PCK2: variants seen among roughly 807,000 people sequenced by gnomAD.
PCK2 encodes phosphoenolpyruvate carboxykinase 2, mitochondrial.
Under a neutral mutation model 65.9 loss-of-function variants are expected in PCK2, and 56 were observed. The observed-to-expected ratio is 0.85, with a 90% CI of 0.69 to 1.06. PCK2 has a LOEUF of 1.06. Among genes scored for constraint, PCK2 ranks in the 50% least tolerant of loss-of-function variants. The probability of loss-of-function intolerance (pLI) is 0.00; values close to 1 mark genes in which losing one functional copy is unlikely to be tolerated. For synonymous variants in PCK2, 305 were observed against 319.6 expected, an observed-to-expected ratio of 0.95 and a Z score of 0.49; for missense variants, 843 against 863.1, an observed-to-expected ratio of 0.98 and a Z score of 0.29.
At chr14:24,101,477 C>A (rs143943855) in intron 7 of PCK2, among the ~76,000 whole-genome samples, 12 of 152,320 alleles carry the variant, frequency 7.9e-5, no homozygotes, top group African/African-American at 2.9e-4. Context: ...TTAGTCCCAA[C>A]CCCCCTCCAG....
intron 1 of PCK2, chr14:24,095,101 C>T: frequency 2.2e-6 from 1 of 456,128 alleles, no homozygotes; most frequent in South Asian, 1.5e-5. Context: ...GTCTGCCTGT[C>T]CTCTTAGTCT....
At chr14:24,103,069 G>A in intron 8 of PCK2, 91 bp from the exon 9 acceptor site, 1 of 1,236,212 alleles carries the variant, frequency 8.1e-7, no homozygotes, top group Non-Finnish European at 1.2e-6. Flanking sequence ...CGAGGTCTTA[G>A]GAGAGAGAGT....
intron 7 of PCK2, among the ~76,000 whole-genome samples, chr14:24,102,150 C>G (rs188427472): frequency 2.0e-5 from 3 of 152,278 alleles, no homozygotes; most frequent in African/African-American, 7.2e-5. Context: ...ATTGTTTGAA[C>G]CTGGGAGGCG....
chr14:24,103,267 C>A lies in PCK2; in HGVS notation c.1468+12C>A. The A allele has an allele frequency of 6.3e-7, 1 of 1,598,802 alleles. No homozygotes were observed. The highest frequency in any genetic ancestry group is 8.6e-7 in the Non-Finnish European group (1 of 1,166,428). ...AGCAGAACACAAAGGTGAGCACCCT[C>A]ACCATTCCTCCCTCTCCTGTGTGTG... On this transcript the variant is annotated intron_variant, in intron 9 of 9. Transcript: ENST00000216780.
chr14:24,096,553 A>G (rs2036894136), intron 1 of PCK2, among the ~76,000 whole-genome samples: 1 of 152,090 alleles, frequency 6.6e-6, no homozygotes, highest in Non-Finnish European at 1.5e-5. Context: ...ACTTATTTCT[A>G]AACGTTGATT....
At chr14:24,103,070 G>A in intron 8 of PCK2, 90 bp from the exon 9 acceptor site, 2 of 1,235,692 alleles carry the variant, frequency 1.6e-6, no homozygotes, top group Non-Finnish European at 2.4e-6. Context: ...GAGGTCTTAG[G>A]AGAGAGAGTA....
In PCK2 at chr14:24,094,617, C is replaced by A. The variant is rs2036773598; in HGVS notation, c.29+183C>A. 6.8e-7 allele frequency: 1 copy of A among 1,465,020 alleles called. No homozygotes were observed. Among genetic ancestry groups the A allele is most frequent in the African/African-American group, 1.4e-5 (1 of 71,082 alleles). 90.8% of individuals were successfully genotyped at this position (1,465,020 alleles called of 1,614,324 possible). Reference sequence around the variant, plus strand: ...CGCGTCTCTTGGGAGGGCAGCCGGCCGGTGCTCCTCGTTTCCGCCTGCACC... The same window carrying A: ...CGCGTCTCTTGGGAGGGCAGCCGGCAGGTGCTCCTCGTTTCCGCCTGCACC... On this transcript the variant is annotated intron_variant, in intron 1 of 9. Transcript: ENST00000216780. The surrounding 1 kb of genome is among the most constrained non-coding windows in gnomAD (Gnocchi z 4.1).
rs2138980353 is a variant in PCK2 at position 24,103,728 on chromosome 14, G to A, written c.1687G>A (p.Glu563Lys). 2 of 1,614,228 alleles carry A rather than the reference G, an allele frequency of 1.2e-6. No individual in the cohort carries two copies. Among genetic ancestry groups the A allele is most frequent in the South Asian group, 2.2e-5 (2 of 91,086 alleles). Residue 563 changes from glutamate (E) to lysine (K), a missense_variant, in exon 10 of 10, where the codon GAG becomes AAG. Physicochemically the swap from Glu to Lys is moderately conservative, Grantham distance 56. Transcript: ENST00000216780. ...RVLDWICRRLEGEDSARETPI... is the reference protein window; with the variant it reads ...RVLDWICRRLKGEDSARETPI... ...GCTAGACTGGATCTGCCGGCGGTTAGAGGGGGAGGACAGTGCCCGAGAGAC... is the reference window on the plus strand; with the variant it reads ...GCTAGACTGGATCTGCCGGCGGTTAAAGGGGGAGGACAGTGCCCGAGAGAC...
intron 7 of PCK2, chr14:24,100,498 G>A: frequency 1.2e-6 from 1 of 801,260 alleles, no homozygotes; most frequent in Non-Finnish European, 1.8e-6. Flanking sequence ...ATTGTTGGAG[G>A]ATTAAATAGT....
At position 24,099,593 on chromosome 14, in the gene PCK2, CTA is replaced by C; in HGVS notation, c.890_891del (p.Tyr297CysfsTer7). 1 of 1,610,720 alleles carries C rather than the reference CTA, an allele frequency of 6.2e-7. No homozygotes were observed. Among genetic ancestry groups the C allele is most frequent in the East Asian group, 2.2e-5 (1 of 44,884 alleles). ...TCACCAGCCCTGCAGGGAAGAAGCG[CTA>C]TGTGGCAGCCGCCTTCCCTAGTGCC... ...GITSPAGKKRYVAAAFPSACG... is the reference protein window; with the variant it reads ...GITSPAGKKRXVAAAFPSACG... On this transcript the variant is annotated frameshift_variant, in exon 6 of 10. Coordinates refer to ENST00000216780, the MANE Select transcript of PCK2 (RefSeq NM_004563.4). LOFTEE classifies it high-confidence loss of function.
chr14:24,103,193 G>A lies in PCK2; in HGVS notation c.1406G>A (p.Arg469His), dbSNP rs201340475. The A allele has an allele frequency of 1.1e-4, 181 of 1,613,944 alleles. No individual in the cohort carries two copies. Among genetic ancestry groups the A allele is most frequent in the Middle Eastern group, 4.9e-4 (3 of 6,084 alleles). ...CTGGTATACGAGGCCTTCAACTGGCGTCATGGGGTGTTTGTGGGCAGCGCC... is the reference window on the plus strand; with the variant it reads ...CTGGTATACGAGGCCTTCAACTGGCATCATGGGGTGTTTGTGGGCAGCGCC... Reference protein sequence around the residue: ...VPLVYEAFNWRHGVFVGSAMR... With the variant: ...VPLVYEAFNWHHGVFVGSAMR... The change falls in exon 9 of 10, where the codon CGT becomes CAT. Residue 469 changes from arginine to histidine, a missense_variant. Coordinates refer to ENST00000216780, the MANE Select transcript of PCK2 (RefSeq NM_004563.4).
chr14:24,103,788 G>C lies in PCK2; in HGVS notation c.1747G>C (p.Asp583His). Residue 583 changes from aspartate to histidine, a missense_variant, in exon 10 of 10, where the codon GAT becomes CAT. Asp to His is a moderately conservative substitution (Grantham distance 81). Transcript: ENST00000216780. Reference protein sequence around the residue: ...IGLVPKEGALDLSGLRAIDTT... With the variant: ...IGLVPKEGALHLSGLRAIDTT... ...GCTGGTGCCAAAGGAAGGAGCCTTG[G>C]ATCTCAGCGGCCTCAGAGCTATAGA... The C allele has an allele frequency of 1.8e-5, 29 of 1,614,142 alleles. No homozygotes were observed. The highest frequency in any genetic ancestry group is 2.5e-5 in the Non-Finnish European group (29 of 1,180,026).
At chr14:24,101,631 A>G (rs537331429) in intron 7 of PCK2, among the ~76,000 whole-genome samples, 1 of 152,322 alleles carries the variant, frequency 6.6e-6, no homozygotes, top group South Asian at 2.1e-4. Flanking sequence ...TAGCTTTAAA[A>G]TCAATTCCTT....
chr14:24,098,810 C>A, intron 4 of PCK2, 132 bp downstream of exon 4: 2 of 793,780 alleles, frequency 2.5e-6, no homozygotes, highest in Middle Eastern at 3.7e-4. Flanking sequence ...TCCAGAGCAG[C>A]AGTCCCAGCA....
At chr14:24,102,418 A>G (rs1444748834) in intron 7 of PCK2, among the ~76,000 whole-genome samples, 1 of 152,180 alleles carries the variant, frequency 6.6e-6, no homozygotes, top group Admixed American at 6.5e-5. Context: ...GGGAAAAATT[A>G]TTATAACCTT....
At chr14:24,099,821 T>A (rs1370357811) in intron 6 of PCK2, 101 bp downstream of exon 6, 1 of 1,510,456 alleles carries the variant, frequency 6.6e-7, no homozygotes, top group Admixed American at 1.7e-5. Context: ...GAAAGTTTCC[T>A]GAACACCCAA....
Position 24,100,046 on chromosome 14 carries a change from G to A in PCK2, c.1067G>A (p.Gly356Asp). 6.2e-7 allele frequency: 1 copy of A among 1,613,782 alleles called. No homozygotes were observed. Among genetic ancestry groups the A allele is most frequent in the Non-Finnish European group, 8.5e-7 (1 of 1,179,808 alleles). The change falls in exon 7 of 10, where the codon GGT becomes GAT. Residue 356 changes from glycine to aspartate, a missense_variant. Transcript: ENST00000216780. The stretch of plus-strand genomic sequence containing the variant: ...AACGGCTTCTTTGGGGTTGCCCCTG[G>A]TACCTCTGCCACCACCAATCCCAAC... ...PENGFFGVAPGTSATTNPNAM... is the reference protein window; with the variant it reads ...PENGFFGVAPDTSATTNPNAM...
chr14:24,103,959 A>G lies in PCK2; in HGVS notation c.1918A>G (p.Met640Val). Reference protein sequence around the residue: ...LEALERRVHKM With the variant: ...LEALERRVHKV ...GGCCCTGGAGAGACGTGTGCACAAA[A>G]TGTGACCTGAGGCCCTAGTCTAGCA... is the stretch of plus-strand genomic sequence containing the variant. The change falls in exon 10 of 10, where the codon ATG (methionine) becomes GTG (valine). Residue 640 changes from methionine (M) to valine (V), a missense_variant. Met to Val is a conservative substitution (Grantham distance 21, BLOSUM62 1). Transcript: ENST00000216780. 1.2e-6 allele frequency: 2 copies of G among 1,612,156 alleles called. No homozygotes were observed. Among genetic ancestry groups the G allele is most frequent in the Non-Finnish European group, 1.7e-6 (2 of 1,178,454 alleles).
rs566137871 is a variant in PCK2, at chr14:24,094,473, G to A, written c.29+39G>A. On this transcript the variant is annotated intron_variant, in intron 1 of 9. Transcript: ENST00000216780. The surrounding 1 kb of genome is among the most constrained non-coding windows in gnomAD (Gnocchi z 4.1). ...GGCCCGGGGCCCACCCGCACCTTCCGCTGCGCTCGCCCCCTCGGGGCTGCC... is the reference window on the plus strand; with the variant it reads ...GGCCCGGGGCCCACCCGCACCTTCCACTGCGCTCGCCCCCTCGGGGCTGCC... 2.7e-6 allele frequency: 4 copies of A among 1,499,728 alleles called. No homozygotes were observed. The highest frequency in any genetic ancestry group is 1.4e-5 in the African/African-American group (1 of 70,186). 92.9% of individuals were successfully genotyped at this position (1,499,728 alleles called of 1,614,324 possible).
Sources: allele counts gnomAD v4.1 joint callset (sites outside exome capture counted in the v4.1 genomes callset), GRCh38; gene constraint gnomAD v4.1.1; non-coding constraint Gnocchi (gnomAD v3.1); transcripts MANE v1.5; gene names NCBI Gene and HGNC (gene_info 2026-07-23, HGNC 2026-07-21).